The following HSPB8 variants were observed in gnomAD, a reference collection of about 807,000 sequenced individuals.
HSPB8 encodes heat shock protein beta-8.
A neutral mutation model predicts 16.5 loss-of-function variants in HSPB8; 9 were observed. The ratio of observed to expected loss-of-function variants is 0.55; its 90% confidence interval spans 0.33 to 0.95. The LOEUF is 0.95. HSPB8 is among the 40% of genes least tolerant of loss of function. The pLI is 0.03. For synonymous variants in HSPB8, 99 were observed against 94.8 expected, an observed-to-expected ratio of 1.04 and a Z score of -0.26; for missense variants, 238 against 251.2, an observed-to-expected ratio of 0.95 and a Z score of 0.35.
At chr12:119,183,915 A>G (rs1204561612) in intron 1 of HSPB8, among the ~76,000 whole-genome samples, 2 of 152,122 alleles carry the variant, frequency 1.3e-5, no homozygotes, top group African/African-American at 2.4e-5. Flanking sequence ...AAAATAAACC[A>G]CAAGTGTTTA....
chr12:119,188,190 C>T (rs1954688604), intron 2 of HSPB8, among the ~76,000 whole-genome samples: 1 of 151,808 alleles, frequency 6.6e-6, no homozygotes, highest in South Asian at 2.1e-4. Context: ...AATCAGCAAT[C>T]AGCGTCACTC....
intron 1 of HSPB8, among the ~76,000 whole-genome samples, chr12:119,180,996 C>T (rs1300886821): frequency 6.6e-6 from 1 of 152,212 alleles, no homozygotes; most frequent in African/African-American, 2.4e-5. Context: ...CCGAAACTGG[C>T]TCCAACTTTA....
chr12:119,180,225 G>A (rs557924241), intron 1 of HSPB8, among the ~76,000 whole-genome samples: 1 of 152,270 alleles, frequency 6.6e-6, no homozygotes, highest in African/African-American at 2.4e-5. Flanking sequence ...TTTGCTAACT[G>A]CTGTTGCCTA....
intron 1 of HSPB8, chr12:119,182,274 C>A (rs188854779): frequency 6.6e-6 from 1 of 152,272 alleles, no homozygotes; most frequent in Non-Finnish European, 1.5e-5. Context: ...TCCAAATTCC[C>A]TGAGAGTCCA....
intron 2 of HSPB8, among the ~76,000 whole-genome samples, chr12:119,190,569 G>C (rs1431166181): frequency 2.6e-5 from 4 of 152,158 alleles, no homozygotes; most frequent in African/African-American, 9.7e-5. Flanking sequence ...ACAGTCATTT[G>C]CAATACCGTC....
rs1954733922 is a variant in HSPB8 at position 119,194,624 on chromosome 12, G to A, written c.*766G>A. On this transcript the variant is annotated 3_prime_UTR_variant, in exon 3 of 3. Coordinates refer to ENST00000281938, the MANE Select transcript of HSPB8 (RefSeq NM_014365.3). The stretch of plus-strand genomic sequence containing the variant: ...CAGATAGCCTGACAGATAGGCTAGT[G>A]GTATTGTGTATATGGGCGGGACGTG... 5.4e-6 allele frequency: 1 copy of A among 186,570 alleles called. No individual in the cohort carries two copies. Among genetic ancestry groups the A allele is most frequent in the Non-Finnish European group, 1.1e-5 (1 of 92,726 alleles). The allele number at this position is 186,570 out of a possible 1,614,324, so 11.6% of individuals were successfully genotyped here.
At position 119,179,375 on chromosome 12, in the gene HSPB8, C is replaced by T. The variant is rs1954620249; in HGVS notation, c.63C>T (p.Phe21=). ...HYPSRLRRDP[F]RDSPLSSRLL... is the part of the protein sequence containing the mutation. ...CAAGCCGCCTGCGCCGAGACCCCTTCCGGGACTCTCCCCTCTCCTCTCGCC... is the reference window on the plus strand; with the variant it reads ...CAAGCCGCCTGCGCCGAGACCCCTTTCGGGACTCTCCCCTCTCCTCTCGCC... The change falls in exon 1 of 3, where the codon TTC becomes TTT. Residue 21 remains phenylalanine, a synonymous_variant. Coordinates refer to ENST00000281938, the MANE Select transcript of HSPB8 (RefSeq NM_014365.3). 6.2e-7 allele frequency: 1 copy of T among 1,614,054 alleles called. No individual in the cohort carries two copies. The highest frequency in any genetic ancestry group is 1.7e-5 in the Admixed American group (1 of 60,008).
At chr12:119,189,072 C>T (rs867956777) in intron 2 of HSPB8, among the ~76,000 whole-genome samples, 3 of 152,180 alleles carry the variant, frequency 2.0e-5, no homozygotes, top group Non-Finnish European at 2.9e-5. Flanking sequence ...ATAAGGCAAA[C>T]GCCAAACCAT....
In HSPB8 at chr12:119,193,923, A is replaced by G. The variant is rs962912691; in HGVS notation, c.*65A>G. ...TAGGGCTTCTCTGATTCCAGGATAC[A>G]TTACTTTAGCTGAACTCAGATTTAG... On this transcript the variant is annotated 3_prime_UTR_variant, in exon 3 of 3. Transcript: ENST00000281938. 1.9e-5 allele frequency: 29 copies of G among 1,553,350 alleles called. 1 individual carries two copies. The South Asian group carries it at 2.9e-4, about 16-fold the overall frequency.
At chr12:119,182,241 T>C (rs925456441) in intron 1 of HSPB8, 2 of 152,190 alleles carry the variant, frequency 1.3e-5, no homozygotes, top group Non-Finnish European at 2.9e-5. Flanking sequence ...AGACATGCAA[T>C]TAGTGACATC....
intron 1 of HSPB8, among the ~76,000 whole-genome samples, chr12:119,183,725 C>T (rs1954654102): frequency 6.6e-6 from 1 of 152,150 alleles, no homozygotes; most frequent in Non-Finnish European, 1.5e-5. Flanking sequence ...AATTGAGTTT[C>T]AAGATGATCC....
Position 119,193,736 on chromosome 12 carries a change from TCA to T in HSPB8, c.471_472del (p.Leu158PhefsTer57). On this transcript the variant is annotated frameshift_variant, in exon 3 of 3. Transcript: ENST00000281938. LOFTEE classifies it high-confidence loss of function. ...AEVDPVTVFA[S>X]LSPEGLLIIE... ...GGTGGATCCTGTGACAGTATTTGCC[TCA>T]CTTTCCCCAGAGGGTCTGCTGATCA... The T allele has an allele frequency of 6.2e-7, 1 of 1,614,196 alleles. No individual in the cohort carries two copies. Among genetic ancestry groups the T allele is most frequent in the Non-Finnish European group, 8.5e-7 (1 of 1,180,016 alleles).
intron 2 of HSPB8, among the ~76,000 whole-genome samples, chr12:119,187,297 T>C (rs1488621987): frequency 1.3e-5 from 2 of 152,148 alleles, no homozygotes; most frequent in Non-Finnish European, 2.9e-5. Flanking sequence ...GATTGCATCA[T>C]CTCATCTGCT....
intron 2 of HSPB8, 149 bp from the exon 3 acceptor site, chr12:119,193,550 C>A: frequency 1.3e-6 from 1 of 791,110 alleles, no homozygotes; most frequent in African/African-American, 1.7e-5. Flanking sequence ...GACCACACAG[C>A]TAGAAAGGGG....
chr12:119,183,110 T>A (rs1376165087), intron 1 of HSPB8: 3 of 152,208 alleles, frequency 2.0e-5, no homozygotes, highest in South Asian at 2.1e-4. Context: ...GAGTTCAAGG[T>A]CTTGTATGGT....
rs1954624110 is a variant in HSPB8, at chr12:119,179,607, T to A, written c.295T>A (p.Cys99Ser). The A allele has an allele frequency of 6.2e-7, 1 of 1,606,874 alleles. No individual in the cohort carries two copies. The highest frequency in any genetic ancestry group is 8.5e-7 in the Non-Finnish European group (1 of 1,176,290). ...PPFPGEPWKV[C>S]VNVHSFKPEE... is the part of the protein sequence containing the mutation. The stretch of plus-strand genomic sequence containing the variant: ...CTTCCCTGGGGAGCCCTGGAAAGTG[T>A]GTGTGAATGTGCACAGCTTCAAGCC... The change falls in exon 1 of 3, where the codon TGT becomes AGT. Residue 99 changes from cysteine (C) to serine (S), a missense_variant. Coordinates refer to ENST00000281938, the MANE Select transcript of HSPB8 (RefSeq NM_014365.3).
chr12:119,187,731 A>T (rs1954685905), intron 2 of HSPB8, among the ~76,000 whole-genome samples: 1 of 152,080 alleles, frequency 6.6e-6, no homozygotes, highest in Admixed American at 6.5e-5. Context: ...CACAGCCCCT[A>T]CCCATGGGGC....
intron 1 of HSPB8, among the ~76,000 whole-genome samples, chr12:119,181,263 C>G (rs1421809774): frequency 2.0e-5 from 3 of 152,056 alleles, no homozygotes; most frequent in Non-Finnish European, 4.4e-5. Flanking sequence ...GTGGTCTGGG[C>G]ACAGCTTAAT....
chr12:119,181,458 G>A (rs186612385), intron 1 of HSPB8, among the ~76,000 whole-genome samples: 2 of 152,206 alleles, frequency 1.3e-5, no homozygotes, highest in Non-Finnish European at 2.9e-5. Flanking sequence ...AACAGATAAT[G>A]CATCTATGTC....
Sources: gnomAD v4.1 joint callset for allele counts (sites outside exome capture counted in the v4.1 genomes callset) on GRCh38, gnomAD v4.1.1 for gene constraint, MANE v1.5 for transcripts, NCBI Gene and HGNC (gene_info 2026-07-23, HGNC 2026-07-21) for gene names.